The following TMEM131L variants were observed in gnomAD, a reference collection of about 807,000 sequenced individuals.
The protein encoded by TMEM131L is transmembrane protein 131-like.
In TMEM131L, 54 loss-of-function variants were observed where a neutral mutation model predicts 192.2. That is an observed-to-expected ratio of 0.28 (90% CI 0.23 to 0.35). TMEM131L has a LOEUF of 0.35. Among genes scored for constraint, TMEM131L ranks in the 10% least tolerant of loss-of-function variants. The probability of loss-of-function intolerance (pLI) is 1.00; values close to 1 mark genes in which losing one functional copy is unlikely to be tolerated. For missense variants in TMEM131L, 1,888 were observed against 1,972.9 expected (o/e 0.96, Z 0.82); for synonymous variants, 701 against 704.9 (o/e 0.99, Z 0.09).
chr4:153,584,756 A>G lies in TMEM131L; in HGVS notation c.1061-79A>G, dbSNP rs1046416440. 3.3e-6 allele frequency: 3 copies of G among 901,832 alleles called. No individual in the cohort carries two copies. The African/African-American group carries it at 5.1e-5, about 15-fold the overall frequency. The allele number at this position is 901,832 out of a possible 1,614,324, so 55.9% of individuals were successfully genotyped here. ...CAGAAAAGTGAATAAAAATTTATAA[A>G]TAAGACATATATCTTTTGTTCAGGC... On this transcript the variant is annotated intron_variant, in intron 11 of 34. Transcript: ENST00000409959.
Position 153,603,805 on chromosome 4 carries a change from C to G in TMEM131L, c.2793C>G (p.Ser931Arg). 6.4e-7 allele frequency: 1 copy of G among 1,573,606 alleles called. No individual in the cohort carries two copies. The change falls in exon 25 of 35, where the codon AGC (serine) becomes AGG (arginine). Residue 931 changes from serine to arginine, a missense_variant. Physicochemically the swap from Ser to Arg is moderately radical, Grantham distance 110 (BLOSUM62 -1). Transcript: ENST00000409959. Reference sequence around the variant, plus strand: ...ATGTTTTTCTTCTTAAATTCAGAAGCAATTGCAAGAACTTTCTCGATACAT... The same window carrying G: ...ATGTTTTTCTTCTTAAATTCAGAAGGAATTGCAAGAACTTTCTCGATACAT... ...MDVISPHSYKSNCKNFLDTYG... is the reference protein window; with the variant it reads ...MDVISPHSYKRNCKNFLDTYG...
chr4:153,606,282 G>A (rs1732229186), intron 25 of TMEM131L, among the ~76,000 whole-genome samples: 1 of 152,190 alleles, frequency 6.6e-6, no homozygotes, highest in South Asian at 2.1e-4. Context: ...GACATAGGAT[G>A]ACTTTGCACA....
intron 23 of TMEM131L, 80 bp downstream of exon 23, chr4:153,602,807 C>T (rs886424856): frequency 5.1e-5 from 63 of 1,231,324 alleles, no homozygotes; most frequent in East Asian, 1.6e-4. Context: ...GTGAACTGCC[C>T]GAGTGTAGTC....
At chr4:153,566,998 G>C (rs141706219) in intron 7 of TMEM131L, among the ~76,000 whole-genome samples, 8 of 152,362 alleles carry the variant, frequency 5.3e-5, no homozygotes, top group Non-Finnish European at 1.0e-4. Flanking sequence ...ACAGCGTGGT[G>C]CCTGCTAGAT....
chr4:153,629,937 A>G (rs781439343), intron 31 of TMEM131L, among the ~76,000 whole-genome samples: 10 of 152,234 alleles, frequency 6.6e-5, no homozygotes, highest in African/African-American at 1.2e-4. Context: ...GACCCAGACA[A>G]CTACCAAATG....
At chr4:153,620,002 G>A (rs1364294304) in intron 26 of TMEM131L, among the ~76,000 whole-genome samples, 1 of 152,114 alleles carries the variant, frequency 6.6e-6, no homozygotes, top group African/African-American at 2.4e-5. Flanking sequence ...CACTGACAGT[G>A]TCTCTGTTTT....
At chr4:153,622,802 C>T (rs1733530285) in intron 28 of TMEM131L, 96 bp from the exon 29 acceptor site, 2 of 1,198,682 alleles carry the variant, frequency 1.7e-6, no homozygotes, top group Admixed American at 1.7e-5. Flanking sequence ...GAAGGTGAAC[C>T]TGGCCCTACT....
chr4:153,602,714 G>C lies in TMEM131L; in HGVS notation c.2626G>C (p.Val876Leu), dbSNP rs768093159. 1.4e-4 allele frequency: 234 copies of C among 1,613,810 alleles called. No individual in the cohort carries two copies. Among genetic ancestry groups the C allele is most frequent in the Non-Finnish European group, 2.0e-4 (231 of 1,179,902 alleles). The change falls in exon 23 of 35, where the codon GTC becomes CTC. Residue 876 changes from valine to leucine, a missense_variant. Physicochemically the swap from Val to Leu is conservative, Grantham distance 32. Transcript: ENST00000409959. The part of the protein sequence containing the change: ...SWEESFWRLT[V>L]FFVSLSLLGV... The stretch of plus-strand genomic sequence containing the variant: ...GGAGGAGTCATTTTGGAGGCTCACG[G>C]TCTTCTTTGTCAGGTAAACCACTAC...
chr4:153,630,334 C>T (rs1734126728), intron 31 of TMEM131L, among the ~76,000 whole-genome samples: 1 of 152,206 alleles, frequency 6.6e-6, no homozygotes, highest in Admixed American at 6.5e-5. Context: ...CAGTATTGAC[C>T]TCAGCCATGC....
chr4:153,543,884 C>T (rs1580177909), intron 3 of TMEM131L, among the ~76,000 whole-genome samples: 1 of 152,136 alleles, frequency 6.6e-6, no homozygotes, highest in East Asian at 1.9e-4. Context: ...TGAGAACAGC[C>T]CAGTAAGTGT....
chr4:153,516,212 C>T (rs1734719143), intron 3 of TMEM131L, among the ~76,000 whole-genome samples: 1 of 152,036 alleles, frequency 6.6e-6, no homozygotes, highest in African/African-American at 2.4e-5. Context: ...TACTGACTGC[C>T]TTATAGTTCA....
At chr4:153,562,949 A>G (rs944763355) in intron 7 of TMEM131L, among the ~76,000 whole-genome samples, 10 of 152,248 alleles carry the variant, frequency 6.6e-5, no homozygotes, top group African/African-American at 2.4e-4. Context: ...CAATAGGGCC[A>G]TCTAATTTTT....
At chr4:153,477,285 G>A (rs949479884) in intron 3 of TMEM131L, among the ~76,000 whole-genome samples, 5 of 152,194 alleles carry the variant, frequency 3.3e-5, no homozygotes, top group African/African-American at 7.2e-5. Flanking sequence ...GATATGACAC[G>A]TCTACAGGGA....
At chr4:153,530,866 G>C (rs1735847942) in intron 3 of TMEM131L, among the ~76,000 whole-genome samples, 1 of 152,170 alleles carries the variant, frequency 6.6e-6, no homozygotes, top group Non-Finnish European at 1.5e-5. Context: ...TTGTGGGCCA[G>C]TTCCATGTGG....
At position 153,621,784 on chromosome 4, in the gene TMEM131L, C is replaced by T; in HGVS notation, c.3794C>T (p.Thr1265Ile). Residue 1265 changes from threonine to isoleucine, a missense_variant, in exon 28 of 35, where the codon ACT (threonine) becomes ATT (isoleucine). Transcript: ENST00000409959. ...NVRSWCIQES[T>I]REVCKADAEI... ...AGAAGCTGGTGTATACAGGAAAGCA[C>T]TAGGGAGGTTTGTAAAGCAGATGCC... is the stretch of plus-strand genomic sequence containing the variant. 1.9e-6 allele frequency: 3 copies of T among 1,614,144 alleles called. No homozygotes were observed. Among genetic ancestry groups the T allele is most frequent in the Non-Finnish European group, 2.5e-6 (3 of 1,180,030 alleles).
chr4:153,568,002 A>T (rs189543504), intron 7 of TMEM131L, among the ~76,000 whole-genome samples: 1 of 152,360 alleles, frequency 6.6e-6, no homozygotes, highest in Non-Finnish European at 1.5e-5. Flanking sequence ...TAAAAATGAT[A>T]GGCTGTCAAT....
At position 153,555,909 on chromosome 4, in the gene TMEM131L, G is replaced by A. The variant is rs1490134342; in HGVS notation, c.431G>A (p.Arg144Lys). ...GHFHVPPVPCRVIPAMGKTSF... is the reference protein window; with the variant it reads ...GHFHVPPVPCKVIPAMGKTSF... ...TTCCATGTACCGCCAGTTCCCTGCA[G>A]GGTGGGTGTTGATGGACTCCTGGAA... The change falls in exon 5 of 35, where the codon AGG becomes AAG. Residue 144 changes from arginine (R) to lysine (K), a missense_variant and splice_region_variant. Coordinates refer to ENST00000409959, the MANE Select transcript of TMEM131L (RefSeq NM_001131007.2). This position sits in a 1 kb window ranked among gnomAD's most constrained non-coding sequence, Gnocchi z 4.1. 2 of 1,551,254 alleles carry A rather than the reference G, an allele frequency of 1.3e-6. No individual in the cohort carries two copies. Among genetic ancestry groups the A allele is most frequent in the Admixed American group, 3.9e-5 (2 of 50,954 alleles).
intron 7 of TMEM131L, among the ~76,000 whole-genome samples, chr4:153,569,035 A>G (rs1378265050): frequency 6.6e-6 from 1 of 152,206 alleles, no homozygotes; most frequent in Non-Finnish European, 1.5e-5. Context: ...CAACTCCTCC[A>G]AGAGCCCCTG....
At chr4:153,538,386 C>A (rs1376818268) in intron 3 of TMEM131L, among the ~76,000 whole-genome samples, 2 of 152,204 alleles carry the variant, frequency 1.3e-5, no homozygotes, top group African/African-American at 4.8e-5. Flanking sequence ...AGGCACTTCC[C>A]AGTTTACATC....
Sources: allele counts gnomAD v4.1 joint callset (sites outside exome capture counted in the v4.1 genomes callset), GRCh38; gene constraint gnomAD v4.1.1; non-coding constraint Gnocchi (gnomAD v3.1); transcripts MANE v1.5; gene names NCBI Gene and HGNC (gene_info 2026-07-23, HGNC 2026-07-21).